Variants in CSMD1 observed in about 807,000 individuals in gnomAD.
CSMD1 encodes the protein CUB and sushi domain-containing protein 1.
Under a neutral mutation model 417.5 loss-of-function variants are expected in CSMD1, and 213 were observed. That is an observed-to-expected ratio of 0.51 (90% CI 0.46 to 0.57). The LOEUF is 0.57. CSMD1 is among the 20% of genes least tolerant of loss of function. The probability of loss-of-function intolerance (pLI) is 0.00; values close to 1 mark genes in which losing one functional copy is unlikely to be tolerated. For synonymous variants in CSMD1, 2,862 were observed against 1,736.8 expected (o/e 1.65, Z -16.11); for missense variants, 6,923 against 4,529.7 (o/e 1.53, Z -15.17).
rs545028924 is a variant in CSMD1 at position 3,236,382 on chromosome 8, T to A, written c.4154-6151A>T. ...TGTATTTAGAATTATGAAATAAAGA[T>A]GAAAAGTTCCTAGAGTTAGCCAGAT... On this transcript the variant is annotated intron_variant, in intron 26 of 69. Coordinates refer to ENST00000635120, the MANE Select transcript of CSMD1 (RefSeq NM_033225.6). Among the ~76,000 whole-genome samples, 8 of 152,290 alleles carry A rather than the reference T, an allele frequency of 5.3e-5. No individual in the cohort carries two copies. The South Asian group carries it at 1.7e-3, about 32-fold the overall frequency.
At chr8:3,274,193 G>C (rs1802089531) in intron 26 of CSMD1, among the ~76,000 whole-genome samples, 3 of 151,718 alleles carry the variant, frequency 2.0e-5, no homozygotes, top group Admixed American at 1.3e-4. Context: ...GTACCCAGTA[G>C]TCATTCAGGA....
At chr8:4,579,705 G>A (rs1328194226) in intron 2 of CSMD1, among the ~76,000 whole-genome samples, 13 of 151,992 alleles carry the variant, frequency 8.6e-5, no homozygotes, top group Non-Finnish European at 1.9e-4. Context: ...AAATATTCTG[G>A]AAACTCCATG....
At chr8:4,210,823 G>A (rs539342021) in intron 3 of CSMD1, among the ~76,000 whole-genome samples, 2 of 152,066 alleles carry the variant, frequency 1.3e-5, no homozygotes, top group Non-Finnish European at 2.9e-5. Context: ...ATCAGTCTTG[G>A]AAAGAATCAT....
Position 3,813,911 on chromosome 8 carries a change from A to T in CSMD1, c.819-59869T>A, listed in dbSNP as rs868375174. 6.6e-5 allele frequency among the ~76,000 whole-genome samples: 10 copies of T among 152,324 alleles called. No individual in the cohort carries two copies. The East Asian group carries it at 1.2e-3, about 18-fold the overall frequency. On this transcript the variant is annotated intron_variant, in intron 5 of 69. Transcript: ENST00000635120. ...GCTTTTCCTTTTTGCTACTCTTCTT[A>T]CTTGTTAAGTCTGTTGCTTCTGGAG...
At chr8:4,135,416 G>C (rs1803369952) in intron 3 of CSMD1, among the ~76,000 whole-genome samples, 1 of 100,128 alleles carries the variant, frequency 1.0e-5, no homozygotes, top group Admixed American at 1.1e-4. Context: ...GAAAGAGGGG[G>C]AAGGAAGGGG....
chr8:3,827,925 T>G (rs140400172), intron 5 of CSMD1, among the ~76,000 whole-genome samples: 1 of 152,170 alleles, frequency 6.6e-6, no homozygotes, highest in Admixed American at 6.5e-5. Flanking sequence ...AAGCACTATT[T>G]AAAAGAGAAA....
chr8:3,664,203 C>T (rs1454369195), intron 7 of CSMD1, among the ~76,000 whole-genome samples: 1 of 152,146 alleles, frequency 6.6e-6, no homozygotes, highest in Admixed American at 6.6e-5. Flanking sequence ...CCACTACAGG[C>T]CCCTGTGTGT....
chr8:4,163,789 C>G (rs1040815471), intron 3 of CSMD1, among the ~76,000 whole-genome samples: 7 of 152,126 alleles, frequency 4.6e-5, no homozygotes, highest in African/African-American at 1.7e-4. Context: ...ACTTATTCAA[C>G]AGTGTCATTA....
chr8:4,064,367 G>C (rs1183637749), intron 3 of CSMD1, among the ~76,000 whole-genome samples: 1 of 152,172 alleles, frequency 6.6e-6, no homozygotes, highest in Admixed American at 6.5e-5. Flanking sequence ...TCTCTGTTTA[G>C]GGTTTTCTGC....
intron 2 of CSMD1, among the ~76,000 whole-genome samples, chr8:4,476,162 T>G (rs1489847318): frequency 6.6e-6 from 1 of 152,072 alleles, no homozygotes; most frequent in African/African-American, 2.4e-5. Context: ...ATCTTCCAAT[T>G]AAAATATAGT....
intron 7 of CSMD1, among the ~76,000 whole-genome samples, chr8:3,653,654 G>C (rs1797966515): frequency 6.6e-6 from 1 of 152,114 alleles, no homozygotes; most frequent in Non-Finnish European, 1.5e-5. Flanking sequence ...CACGAAGCCT[G>C]ATAAGGGCCA....
intron 5 of CSMD1, among the ~76,000 whole-genome samples, chr8:3,773,202 G>C (rs867901836): frequency 1.3e-5 from 2 of 152,154 alleles, no homozygotes; most frequent in African/African-American, 2.4e-5. Flanking sequence ...TTAGACGATG[G>C]CATGTACTCA....
rs576455779 is a variant in CSMD1 at position 4,825,827 on chromosome 8, A to C, written c.85+168505T>G. Among the ~76,000 whole-genome samples the C allele has an allele frequency of 2.0e-5, 3 of 152,200 alleles. No homozygotes were observed. In the South Asian group the frequency reaches 6.2e-4, roughly 32 times the overall value. Reference sequence around the variant, plus strand: ...AAAAAGAAATCCCACAATCCAATTAAGAAATGGGCAAAAGACACTTCTCTG... The same window carrying C: ...AAAAAGAAATCCCACAATCCAATTACGAAATGGGCAAAAGACACTTCTCTG... On this transcript the variant is annotated intron_variant, in intron 1 of 69. Transcript: ENST00000635120.
chr8:4,425,434 T>TGA (rs571416809), intron 2 of CSMD1, among the ~76,000 whole-genome samples: 42 of 150,392 alleles, frequency 2.8e-4, no homozygotes, highest in South Asian at 1.3e-3. Context: ...TGCGGAAGGA[T>TGA]GAGTGGATCC....
intron 11 of CSMD1, among the ~76,000 whole-genome samples, chr8:3,487,265 G>A (rs888957257): frequency 4.6e-5 from 7 of 152,002 alleles, no homozygotes; most frequent in South Asian, 2.1e-4. Flanking sequence ...GCAGTGGCGC[G>A]ATCTTGGCTC....
chr8:2,965,837 G>A lies in CSMD1; in HGVS notation c.9218C>T (p.Thr3073Ile), dbSNP rs375759183. The change falls in exon 59 of 70, where the codon ACA becomes ATA. Residue 3073 changes from threonine to isoleucine, a missense_variant. Transcript: ENST00000635120. ...CNPGYVMEAVTSATIRCTKDG... is the reference protein window; with the variant it reads ...CNPGYVMEAVISATIRCTKDG... The stretch of plus-strand genomic sequence containing the variant: ...TTTGGTACAGCGAATAGTGGCGGAT[G>A]TGACTGCTTCCATGACATAGCCTGG... The A allele has an allele frequency of 2.5e-5, 40 of 1,608,656 alleles. No individual in the cohort carries two copies. In the African/African-American group the frequency reaches 5.3e-4, roughly 21 times the overall value.
At chr8:3,566,266 A>G (rs1461466010) in intron 10 of CSMD1, among the ~76,000 whole-genome samples, 1 of 152,190 alleles carries the variant, frequency 6.6e-6, no homozygotes, top group Non-Finnish European at 1.5e-5. Context: ...GAGTTGAAGA[A>G]AAGAATAACA....
chr8:4,465,492 C>T (rs1585122783), intron 2 of CSMD1, among the ~76,000 whole-genome samples: 1 of 152,118 alleles, frequency 6.6e-6, no homozygotes, highest in East Asian at 1.9e-4. Flanking sequence ...GTCGTCCTCC[C>T]AAGAGGTGAC....
chr8:4,459,937 C>T (rs926513111), intron 2 of CSMD1, among the ~76,000 whole-genome samples: 1 of 152,158 alleles, frequency 6.6e-6, no homozygotes, highest in African/African-American at 2.4e-5. Flanking sequence ...GACTGTTCTA[C>T]TCATTTTCAT....
Sources: allele counts gnomAD v4.1 joint callset (sites outside exome capture counted in the v4.1 genomes callset), GRCh38; gene constraint gnomAD v4.1.1; transcripts MANE v1.5; gene names NCBI Gene and HGNC (gene_info 2026-07-23, HGNC 2026-07-21).